C1orf21: variants seen among roughly 807,000 people sequenced by gnomAD.
C1orf21 encodes the protein uncharacterized protein C1orf21.
In C1orf21, 3 loss-of-function variants were observed where a neutral mutation model predicts 18.7. The ratio of observed to expected loss-of-function variants is 0.16; its 90% CI spans 0.07 to 0.42. The LOEUF (loss-of-function observed/expected upper bound fraction) is 0.42, where lower values mean the gene tolerates loss of function less well. Ranked by LOEUF, C1orf21 falls within the 10% of genes least tolerant of loss-of-function variation. The pLI, the probability that C1orf21 is intolerant of heterozygous loss-of-function variation, is 0.99. For synonymous variants in C1orf21, 41 were observed against 46.4 expected (o/e 0.88, Z 0.47); for missense variants, 104 against 143.6 (o/e 0.72, Z 1.41).
At chr1:184,567,099 A>C (rs1185573812) in intron 3 of C1orf21, 1 of 480,150 alleles carries the variant, frequency 2.1e-6, no homozygotes, top group Non-Finnish European at 4.2e-6. Flanking sequence ...GTGGCACAGT[A>C]CTATGAAGTA....
intron 3 of C1orf21, among the ~76,000 whole-genome samples, chr1:184,518,762 A>G (rs909902015): frequency 1.3e-5 from 2 of 152,114 alleles, no homozygotes; most frequent in African/African-American, 4.8e-5. Context: ...AGGCACTGAA[A>G]GTGTGTAAGG....
intron 1 of C1orf21, among the ~76,000 whole-genome samples, chr1:184,425,724 G>C (rs537814305): frequency 2.0e-5 from 3 of 152,096 alleles, no homozygotes; most frequent in Non-Finnish European, 4.4e-5. Flanking sequence ...AGCTTGAAAG[G>C]GCAAGGTCAG....
chr1:184,412,705 G>C (rs1421042074), intron 1 of C1orf21, among the ~76,000 whole-genome samples: 3 of 152,170 alleles, frequency 2.0e-5, no homozygotes, highest in Non-Finnish European at 4.4e-5. Flanking sequence ...CTGTTGGGGA[G>C]ACTGAGGCCA....
At position 184,542,374 on chromosome 1, in the gene C1orf21, C is replaced by T. The variant is rs115428637; in HGVS notation, c.189+34692C>T. On this transcript the variant is annotated intron_variant, in intron 3 of 5. Coordinates refer to ENST00000235307, the MANE Select transcript of C1orf21 (RefSeq NM_030806.4). ...GGTAACTTGCCTGGGGTCACACAAC[C>T]AGTAAAGAATGGAGCTAGATTCAAA... 3.2e-3 allele frequency among the ~76,000 whole-genome samples: 484 copies of T among 152,222 alleles called. 2 individuals carry two copies. The highest frequency in any genetic ancestry group is 0.011 in the African/African-American group (451 of 41,536).
At chr1:184,594,391 C>G (rs182343700) in intron 4 of C1orf21, among the ~76,000 whole-genome samples, 7 of 152,246 alleles carry the variant, frequency 4.6e-5, no homozygotes, top group Admixed American at 3.3e-4. Context: ...ACAGATTTAA[C>G]AGGAGAAAAG....
At chr1:184,601,572 G>A (rs923503552) in intron 5 of C1orf21, among the ~76,000 whole-genome samples, 1 of 152,094 alleles carries the variant, frequency 6.6e-6, no homozygotes, top group Non-Finnish European at 1.5e-5. Flanking sequence ...AGAAGTTATG[G>A]TGATCAATAA....
intron 4 of C1orf21, among the ~76,000 whole-genome samples, chr1:184,597,365 C>T (rs759246305): frequency 1.3e-5 from 2 of 152,170 alleles, no homozygotes; most frequent in Non-Finnish European, 2.9e-5. Context: ...CCTCAGGCCC[C>T]ACTGTCTGTC....
At chr1:184,411,545 C>T (rs564216554) in intron 1 of C1orf21, among the ~76,000 whole-genome samples, 14 of 151,808 alleles carry the variant, frequency 9.2e-5, no homozygotes, top group African/African-American at 3.1e-4. Context: ...CCTCAGCCTC[C>T]CGAGTAGCTG....
intron 3 of C1orf21, among the ~76,000 whole-genome samples, chr1:184,508,412 T>G (rs1658097100): frequency 6.6e-6 from 1 of 152,208 alleles, no homozygotes; most frequent in Admixed American, 6.5e-5. Flanking sequence ...TTTTATTTTT[T>G]GATTACCTAT....
intron 1 of C1orf21, among the ~76,000 whole-genome samples, chr1:184,432,406 A>G (rs1001005909): frequency 2.0e-5 from 3 of 152,204 alleles, no homozygotes; most frequent in Non-Finnish European, 2.9e-5. Flanking sequence ...ATTCTCAGCA[A>G]ACTAACACGG....
At chr1:184,492,745 G>T (rs1335521748) in intron 2 of C1orf21, among the ~76,000 whole-genome samples, 1 of 152,200 alleles carries the variant, frequency 6.6e-6, no homozygotes, top group African/African-American at 2.4e-5. Flanking sequence ...TGCAGCTGCT[G>T]CTAGTCAGTG....
intron 3 of C1orf21, among the ~76,000 whole-genome samples, chr1:184,510,953 G>A (rs150759245): frequency 2.0e-5 from 3 of 152,240 alleles, no homozygotes; most frequent in East Asian, 3.9e-4. Context: ...AAAGATTTGG[G>A]TAAGGTTGCA....
At chr1:184,514,088 G>A (rs1230720771) in intron 3 of C1orf21, among the ~76,000 whole-genome samples, 1 of 152,204 alleles carries the variant, frequency 6.6e-6, no homozygotes, top group Non-Finnish European at 1.5e-5. Flanking sequence ...CTTGAGGCCA[G>A]GACTTTGAGG....
intron 4 of C1orf21, among the ~76,000 whole-genome samples, chr1:184,593,267 A>G (rs1285996338): frequency 7.4e-6 from 1 of 135,130 alleles, no homozygotes; most frequent in African/African-American, 3.4e-5. Context: ...CCACAGCAGC[A>G]TGCTTGTGTG....
intron 3 of C1orf21, among the ~76,000 whole-genome samples, chr1:184,581,166 C>T (rs1342985544): frequency 6.6e-6 from 1 of 152,162 alleles, no homozygotes; most frequent in Non-Finnish European, 1.5e-5. Flanking sequence ...GTGGCTCACG[C>T]CTGTAATCCC....
rs1282355769 is a variant in C1orf21, at chr1:184,590,715, C to T, written c.190-24C>T. 1.1e-5 allele frequency: 18 copies of T among 1,585,520 alleles called. No homozygotes were observed. The East Asian group carries it at 3.8e-4, about 33-fold the overall frequency. On this transcript the variant is annotated intron_variant, in intron 3 of 5. Coordinates refer to ENST00000235307, the MANE Select transcript of C1orf21 (RefSeq NM_030806.4). ...TTGTGGATTCTAATCCTGTCTTTCA[C>T]ATGTCTGTGTTTATGTGTTTCAGGA...
At chr1:184,461,634 A>G (rs941726682) in intron 1 of C1orf21, among the ~76,000 whole-genome samples, 12 of 152,210 alleles carry the variant, frequency 7.9e-5, no homozygotes. Flanking sequence ...GAGTATAACA[A>G]GAAAGGAAAA....
rs1319443233 is a variant in C1orf21, at chr1:184,621,323, G to A, written c.*1767G>A. 1.3e-5 allele frequency: 2 copies of A among 152,634 alleles called. No individual in the cohort carries two copies. Among genetic ancestry groups the A allele is most frequent in the African/African-American group, 4.8e-5 (2 of 41,460 alleles). 9.5% of individuals were successfully genotyped at this position (152,634 alleles called of 1,614,324 possible). ...CCAACAGCAGCTATTTTGGGGAGCA[G>A]CTGTGGCTGTTACATAAATAGAGAT... On this transcript the variant is annotated 3_prime_UTR_variant, in exon 6 of 6. Coordinates refer to ENST00000235307, the MANE Select transcript of C1orf21 (RefSeq NM_030806.4).
At chr1:184,529,618 A>C (rs1658428403) in intron 3 of C1orf21, among the ~76,000 whole-genome samples, 1 of 152,248 alleles carries the variant, frequency 6.6e-6, no homozygotes, top group Non-Finnish European at 1.5e-5. Context: ...GGGATGACAA[A>C]AGGACCCATG....
Sources: allele counts gnomAD v4.1 joint callset (sites outside exome capture counted in the v4.1 genomes callset), GRCh38; gene constraint gnomAD v4.1.1; transcripts MANE v1.5; gene names NCBI Gene and HGNC (gene_info 2026-07-23, HGNC 2026-07-21).